Variants in VAV1 observed in about 807,000 individuals in gnomAD.
VAV1 encodes the protein proto-oncogene vav.
VAV1 carries 33 observed loss-of-function variants against 128.1 expected under a neutral mutation model. The ratio of observed to expected loss-of-function variants is 0.26; its 90% CI spans 0.20 to 0.34. The LOEUF (loss-of-function observed/expected upper bound fraction) is 0.34, where lower values mean the gene tolerates loss of function less well. Ranked by LOEUF, VAV1 falls within the 10% of genes least tolerant of loss-of-function variation. The probability of loss-of-function intolerance (pLI) is 1.00; values close to 1 mark genes in which losing one functional copy is unlikely to be tolerated. For missense variants in VAV1, 715 were observed against 1,093.7 expected (o/e 0.65, Z 4.88); for synonymous variants, 394 against 409.8 (o/e 0.96, Z 0.47).
chr19:6,772,749 G>T lies in VAV1; in HGVS notation c.-59G>T. ...CCACAGGCGAGCAGGGCAGGCGTGCGGGCGGGTGGGTGGTGGAGGCTGCGA... is the reference window on the plus strand; with the variant it reads ...CCACAGGCGAGCAGGGCAGGCGTGCTGGCGGGTGGGTGGTGGAGGCTGCGA... On this transcript the variant is annotated 5_prime_UTR_variant, in exon 1 of 27. Transcript: ENST00000602142. This position sits in a 1 kb window ranked among gnomAD's most constrained non-coding sequence, Gnocchi z 4.8. 1 of 1,558,194 alleles carries T rather than the reference G, an allele frequency of 6.4e-7. No individual in the cohort carries two copies. The highest frequency in any genetic ancestry group is 1.2e-5 in the South Asian group (1 of 85,498).
At chr19:6,811,176 C>T (rs1568297533) in intron 1 of VAV1, among the ~76,000 whole-genome samples, 1 of 152,108 alleles carries the variant, frequency 6.6e-6, no homozygotes, top group South Asian at 2.1e-4. Flanking sequence ...GCTGGGATTA[C>T]AGGCATGCAC....
At chr19:6,837,096 C>A in intron 21 of VAV1, 46 bp downstream of exon 21, 1 of 1,600,520 alleles carries the variant, frequency 6.2e-7, no homozygotes, top group Non-Finnish European at 8.6e-7. Flanking sequence ...GGGTCCAGGG[C>A]GGGTCCTGGG....
At chr19:6,818,486 T>G (rs1244000617) in intron 1 of VAV1, among the ~76,000 whole-genome samples, 1 of 152,208 alleles carries the variant, frequency 6.6e-6, no homozygotes, top group Non-Finnish European at 1.5e-5. Flanking sequence ...TTAGGCAAGA[T>G]CCTGCCTCAG....
Position 6,850,764 on chromosome 19 carries a change from GTCAATGTCCGC to G in VAV1, c.2217+13_2217+23del, listed in dbSNP as rs746722878. ...GGCTTTCCGGGGGCTTACGGTAAGG[GTCAATGTCCGC>G]TCAATCCCAGCTTTCCAGAACCTAG... On this transcript the variant is annotated splice_region_variant and intron_variant, in intron 24 of 26. Transcript: ENST00000602142. 6.2e-7 allele frequency: 1 copy of G among 1,613,812 alleles called. No individual in the cohort carries two copies. The highest frequency in any genetic ancestry group is 8.5e-7 in the Non-Finnish European group (1 of 1,179,824).
intron 1 of VAV1, among the ~76,000 whole-genome samples, chr19:6,783,857 A>T (rs1167705344): frequency 6.6e-6 from 1 of 152,110 alleles, no homozygotes; most frequent in African/African-American, 2.4e-5. Flanking sequence ...AGCTGGGGAT[A>T]AAAAGGAGAT....
chr19:6,822,841 AT>A lies in VAV1; in HGVS notation c.654+328del, dbSNP rs1015248004. Among the ~76,000 whole-genome samples the A allele has an allele frequency of 6.8e-6, 1 of 147,480 alleles. No homozygotes were observed. Among genetic ancestry groups the A allele is most frequent in the African/African-American group, 2.5e-5 (1 of 40,792 alleles). On this transcript the variant is annotated intron_variant, in intron 6 of 26. Coordinates refer to ENST00000602142, the MANE Select transcript of VAV1 (RefSeq NM_005428.4). This position sits in a 1 kb window ranked among gnomAD's most constrained non-coding sequence, Gnocchi z 5.9. ...ATATACATAAATAGAAAATATATAA[AT>A]ATATACAAAGTATATATAAAAATAT... is the stretch of plus-strand genomic sequence containing the variant.
intron 1 of VAV1, among the ~76,000 whole-genome samples, chr19:6,814,672 C>CTTTCTT (rs1192933689): frequency 1.4e-5 from 1 of 70,816 alleles, no homozygotes; most frequent in Non-Finnish European, 2.6e-5. Flanking sequence ...TCCTTCCTTC[C>CTTTCTT]TTTCTTTCTT....
intron 1 of VAV1, among the ~76,000 whole-genome samples, chr19:6,783,352 G>T (rs1338904365): frequency 6.6e-6 from 1 of 152,054 alleles, no homozygotes; most frequent in African/African-American, 2.4e-5. Context: ...TAGGGCCGAG[G>T]CTCCATCATC....
Position 6,813,441 on chromosome 19 carries a change from A to G in VAV1, c.205-7261A>G, listed in dbSNP as rs991673590. 4.6e-5 allele frequency among the ~76,000 whole-genome samples: 7 copies of G among 152,302 alleles called. No individual in the cohort carries two copies. The South Asian group carries it at 1.4e-3, about 32-fold the overall frequency. On this transcript the variant is annotated intron_variant, in intron 1 of 26. Coordinates refer to ENST00000602142, the MANE Select transcript of VAV1 (RefSeq NM_005428.4). ...GTGACACATGGCCAGTCTTGGTTCA[A>G]TGTGGGAGGGGATTACAAAAAGGCA...
chr19:6,814,712 CTT>C (rs1479893259), intron 1 of VAV1, among the ~76,000 whole-genome samples: 2 of 132,990 alleles, frequency 1.5e-5, no homozygotes, highest in South Asian at 2.3e-4. Flanking sequence ...TTCTTTCTTT[CTT>C]TCTTTCTTTC....
chr19:6,855,681 CTATATT>C (rs1972777257), intron 26 of VAV1, among the ~76,000 whole-genome samples: 1 of 151,962 alleles, frequency 6.6e-6, no homozygotes, highest in African/African-American at 2.4e-5. Flanking sequence ...TAATCTATCT[CTATATT>C]TATCCATCCA....
intron 1 of VAV1, among the ~76,000 whole-genome samples, chr19:6,813,713 G>A (rs186977619): frequency 5.9e-5 from 9 of 152,178 alleles, no homozygotes; most frequent in African/African-American, 2.2e-4. Context: ...AATTGAAATT[G>A]GATTAAATCT....
intron 1 of VAV1, among the ~76,000 whole-genome samples, chr19:6,791,719 C>G (rs754867940): frequency 3.3e-5 from 5 of 152,072 alleles, no homozygotes; most frequent in Non-Finnish European, 7.3e-5. Context: ...AACGCTGGCA[C>G]ATTGTAATAA....
intron 21 of VAV1, among the ~76,000 whole-genome samples, chr19:6,840,374 T>C (rs111247982): frequency 0.03 from 4,562 of 151,340 alleles, 208 homozygotes; most frequent in African/African-American, 0.096. Context: ...GGCGCAATCT[T>C]GGCTCACTGC....
chr19:6,781,833 C>A (rs967930742), intron 1 of VAV1, among the ~76,000 whole-genome samples: 3 of 152,020 alleles, frequency 2.0e-5, no homozygotes, highest in Non-Finnish European at 2.9e-5. Context: ...GTCTCAAACT[C>A]CTGACCTCGA....
intron 1 of VAV1, among the ~76,000 whole-genome samples, chr19:6,808,004 A>AAG (rs1555700693): frequency 1.5e-4 from 22 of 148,954 alleles, no homozygotes; most frequent in African/African-American, 5.5e-4. Flanking sequence ...AAAAAAAAAA[A>AAG]AAAAGAAAAG....
intron 26 of VAV1, among the ~76,000 whole-genome samples, chr19:6,855,442 T>C (rs753859595): frequency 2.6e-5 from 4 of 151,786 alleles, no homozygotes; most frequent in Non-Finnish European, 5.9e-5. Flanking sequence ...CCACAAATCA[T>C]CCATTCATCT....
intron 1 of VAV1, among the ~76,000 whole-genome samples, chr19:6,805,647 T>C (rs531717010): frequency 6.7e-6 from 1 of 149,170 alleles, no homozygotes; most frequent in South Asian, 2.1e-4. Flanking sequence ...GGGGGGATGG[T>C]TTCAGGATGA....
At chr19:6,793,472 G>C (rs1971062265) in intron 1 of VAV1, among the ~76,000 whole-genome samples, 1 of 152,132 alleles carries the variant, frequency 6.6e-6, no homozygotes, top group African/African-American at 2.4e-5. Context: ...CTTATGGAGA[G>C]AAGAAACATG....
Sources: allele counts gnomAD v4.1 joint callset (sites outside exome capture counted in the v4.1 genomes callset), GRCh38; gene constraint gnomAD v4.1.1; non-coding constraint Gnocchi (gnomAD v3.1); transcripts MANE v1.5; gene names NCBI Gene and HGNC (gene_info 2026-07-23, HGNC 2026-07-21).